The following LINGO2 variants were observed in gnomAD, a reference collection of about 807,000 sequenced individuals.
LINGO2 encodes the protein leucine-rich repeat and immunoglobulin-like domain-containing nogo receptor-interacting protein 2.
LINGO2 carries 14 observed loss-of-function variants against 30.6 expected under a neutral mutation model. That is an observed-to-expected ratio of 0.46 (90% CI 0.30 to 0.72). LINGO2 has a LOEUF of 0.72. Among genes scored for constraint, LINGO2 ranks in the 30% least tolerant of loss-of-function variants. LINGO2 has a pLI of 0.07. For synonymous variants in LINGO2, 317 were observed against 288.5 expected, an observed-to-expected ratio of 1.10 and a Z score of -1.00; for missense variants, 729 against 751.7, an observed-to-expected ratio of 0.97 and a Z score of 0.35.
At chr9:28,677,378 G>A in the LINGO2 span, among the ~76,000 whole-genome samples, 47,672 of 152,068 alleles carry the variant, frequency 0.31, 9,490 homozygotes, top group Middle Eastern at 0.44. Context: ...CAGAGCTGAA[G>A]CTATCTGAAG....
At chr9:28,251,717 C>T (rs1292892057) in intron 4 of LINGO2, among the ~76,000 whole-genome samples, 1 of 150,878 alleles carries the variant, frequency 6.6e-6, no homozygotes, top group Non-Finnish European at 1.5e-5. Context: ...AATTATATTT[C>T]CCCAAGATTT....
At chr9:29,039,673 T>C in the LINGO2 span, among the ~76,000 whole-genome samples, 1 of 152,156 alleles carries the variant, frequency 6.6e-6, no homozygotes, top group African/African-American at 2.4e-5. Flanking sequence ...CTAAATCTAC[T>C]TTAAGGACTT....
chr9:28,267,675 C>T (rs555361175), intron 4 of LINGO2, among the ~76,000 whole-genome samples: 90 of 152,130 alleles, frequency 5.9e-4, no homozygotes, highest in African/African-American at 2.1e-3. Flanking sequence ...TCAATGTTTC[C>T]TCTTTTATGA....
At chr9:28,912,523 T>C in the LINGO2 span, among the ~76,000 whole-genome samples, 1 of 152,126 alleles carries the variant, frequency 6.6e-6, no homozygotes, top group Non-Finnish European at 1.5e-5. Context: ...CCCTGGAAGA[T>C]ATGTGACAGT....
At chr9:28,056,091 C>T (rs1180041541) in intron 4 of LINGO2, among the ~76,000 whole-genome samples, 1 of 152,168 alleles carries the variant, frequency 6.6e-6, no homozygotes, top group African/African-American at 2.4e-5. Flanking sequence ...TCCCCGCTTT[C>T]AGTGAGCAAA....
intron 4 of LINGO2, among the ~76,000 whole-genome samples, chr9:28,229,450 G>A (rs1821282776): frequency 6.6e-6 from 1 of 151,418 alleles, no homozygotes; most frequent in South Asian, 2.1e-4. Flanking sequence ...AAGTATCAGA[G>A]GAGCAAAGAA....
chr9:28,092,158 A>C (rs1826110663), intron 4 of LINGO2, among the ~76,000 whole-genome samples: 1 of 152,174 alleles, frequency 6.6e-6, no homozygotes, highest in African/African-American at 2.4e-5. Context: ...AGGATCTAGA[A>C]CTAGAAATAC....
intron 4 of LINGO2, among the ~76,000 whole-genome samples, chr9:28,260,751 T>A (rs573028425): frequency 1.6e-4 from 24 of 152,022 alleles, no homozygotes; most frequent in Admixed American, 7.2e-4. Flanking sequence ...CTCTAATGAG[T>A]TTCTTACCTC....
the LINGO2 span, among the ~76,000 whole-genome samples, chr9:28,735,146 C>G: frequency 6.6e-6 from 1 of 151,982 alleles, no homozygotes; most frequent in African/African-American, 2.4e-5. Context: ...TTTACAAGAA[C>G]TTGAATGAGG....
At chr9:28,208,195 A>G (rs1056880037) in intron 4 of LINGO2, among the ~76,000 whole-genome samples, 19 of 152,104 alleles carry the variant, frequency 1.2e-4, no homozygotes, top group African/African-American at 4.1e-4. Flanking sequence ...TGCAATTAAA[A>G]GAGAATTTTA....
At chr9:28,758,797 G>T in the LINGO2 span, among the ~76,000 whole-genome samples, 150 of 152,088 alleles carry the variant, frequency 9.9e-4, 2 homozygotes, top group African/African-American at 3.5e-3. Flanking sequence ...AAGGATAGAA[G>T]GTATCATTAG....
chr9:29,186,259 T>A, the LINGO2 span, among the ~76,000 whole-genome samples: 1 of 152,134 alleles, frequency 6.6e-6, no homozygotes, highest in Non-Finnish European at 1.5e-5. Context: ...ACCATTAAAC[T>A]CTATAACTCT....
Position 28,130,031 on chromosome 9 carries a change from C to T in LINGO2, c.-86-117626G>A, listed in dbSNP as rs1587047868. ...AATTCAAGAAGCCACAGAGTAACCT[C>T]TTCAGACTACTTCATATGTTTCAGC... On this transcript the variant is annotated intron_variant, in intron 4 of 5. Transcript: ENST00000379992. This position sits in a 1 kb window ranked among gnomAD's most constrained non-coding sequence, Gnocchi z 5.2. Among the ~76,000 whole-genome samples, 1 of 152,222 alleles carries T rather than the reference C, an allele frequency of 6.6e-6. No individual in the cohort carries two copies. The highest frequency in any genetic ancestry group is 6.5e-5 in the Admixed American group (1 of 15,284).
intron 4 of LINGO2, among the ~76,000 whole-genome samples, chr9:28,162,193 A>T (rs1172425555): frequency 1.3e-5 from 2 of 152,058 alleles, no homozygotes; most frequent in African/African-American, 2.4e-5. Flanking sequence ...CAAACGAAAG[A>T]CTCAGTCAGA....
At chr9:29,186,822 C>T in the LINGO2 span, among the ~76,000 whole-genome samples, 41 of 151,974 alleles carry the variant, frequency 2.7e-4, 1 homozygote, top group South Asian at 7.3e-3. Flanking sequence ...CAATGCCTAC[C>T]GAATATAGCT....
the LINGO2 span, among the ~76,000 whole-genome samples, chr9:29,032,519 T>C: frequency 3.9e-5 from 6 of 152,210 alleles, no homozygotes; most frequent in East Asian, 1.9e-4. Flanking sequence ...CATATGTGTG[T>C]ATAATGTCTC....
chr9:28,036,278 T>C (rs1451968876), intron 4 of LINGO2, among the ~76,000 whole-genome samples: 1 of 152,218 alleles, frequency 6.6e-6, no homozygotes, highest in Non-Finnish European at 1.5e-5. Context: ...ACAATCTTGT[T>C]ACCAATAATT....
chr9:28,233,029 A>ATT (rs1554690866), intron 4 of LINGO2, among the ~76,000 whole-genome samples: 6 of 50,864 alleles, frequency 1.2e-4, no homozygotes, highest in African/African-American at 7.2e-4. Flanking sequence ...GACAGTAAAC[A>ATT]TTATATATAT....
the LINGO2 span, among the ~76,000 whole-genome samples, chr9:28,989,623 T>C: frequency 6.6e-6 from 1 of 152,144 alleles, no homozygotes; most frequent in Admixed American, 6.5e-5. Flanking sequence ...GTACACGTAA[T>C]TGTTATTATA....
Sources: gnomAD v4.1 joint callset for allele counts (sites outside exome capture counted in the v4.1 genomes callset) on GRCh38, gnomAD v4.1.1 for gene constraint, Gnocchi (gnomAD v3.1) non-coding constraint, MANE v1.5 for transcripts, NCBI Gene and HGNC (gene_info 2026-07-23, HGNC 2026-07-21) for gene names.